Variants in ADAMTSL1 observed in about 807,000 individuals in gnomAD.
The protein encoded by ADAMTSL1 is ADAMTS like 1, also known as ADAMTS-like protein 1.
ADAMTSL1 carries 126 observed loss-of-function variants against 201.8 expected under a neutral mutation model. That is an observed-to-expected ratio of 0.62 (90% CI 0.54 to 0.72). The LOEUF (loss-of-function observed/expected upper bound fraction) is 0.72. ADAMTSL1 is among the 30% of genes least tolerant of loss of function. ADAMTSL1 has a pLI of 0.00. For missense variants in ADAMTSL1, 2,679 were observed against 2,277.8 expected, an observed-to-expected ratio of 1.18 and a Z score of -3.59; for synonymous variants, 1,121 against 903.4, an observed-to-expected ratio of 1.24 and a Z score of -4.32.
At chr9:18,645,015 G>T (rs562646541) in intron 7 of ADAMTSL1, among the ~76,000 whole-genome samples, 1 of 152,186 alleles carries the variant, frequency 6.6e-6, no homozygotes, top group South Asian at 2.1e-4. Flanking sequence ...CAGTGTAAAA[G>T]TGTTTCTATT....
At chr9:18,185,124 T>C (rs529750179) in intron 2 of ADAMTSL1, among the ~76,000 whole-genome samples, 1 of 152,252 alleles carries the variant, frequency 6.6e-6, no homozygotes, top group African/African-American at 2.4e-5. Flanking sequence ...CCTCCTGGTC[T>C]TTATAGCCTG....
chr9:18,714,798 G>A (rs368589867), intron 14 of ADAMTSL1, among the ~76,000 whole-genome samples: 5 of 150,878 alleles, frequency 3.3e-5, no homozygotes, highest in African/African-American at 1.2e-4. Context: ...ACAACCAAAA[G>A]AGAGAATTTT....
chr9:18,594,329 G>T (rs1824117202), intron 4 of ADAMTSL1, among the ~76,000 whole-genome samples: 1 of 151,912 alleles, frequency 6.6e-6, no homozygotes, highest in South Asian at 2.1e-4. Flanking sequence ...TATCTGATTG[G>T]TGACTTTTGA....
intron 1 of ADAMTSL1, among the ~76,000 whole-genome samples, chr9:18,036,869 A>G (rs1478944073): frequency 1.3e-5 from 2 of 152,108 alleles, no homozygotes; most frequent in African/African-American, 4.8e-5. Context: ...TTCCTTATGG[A>G]CACAGTAGTG....
At chr9:18,438,633 A>G (rs1018638662) in intron 2 of ADAMTSL1, among the ~76,000 whole-genome samples, 3 of 152,060 alleles carry the variant, frequency 2.0e-5, no homozygotes, top group African/African-American at 7.2e-5. Context: ...ATGTTACCCT[A>G]GAGGGGGCTG....
chr9:18,899,896 G>T (rs1332106073), intron 26 of ADAMTSL1, among the ~76,000 whole-genome samples: 1 of 152,238 alleles, frequency 6.6e-6, no homozygotes, highest in East Asian at 1.9e-4. Context: ...ATTTCATGAT[G>T]TAGATGCCAA....
In ADAMTSL1 at chr9:18,706,909, T is replaced by C. The variant is rs1235037554; in HGVS notation, c.1737T>C (p.Tyr579=). The stretch of plus-strand genomic sequence containing the variant: ...AGCCAGCATCCCAGCGTGCCTGTTA[T>C]GCAGGCCCATGCAGCGGGGAAATTC... ...GPKPASQRAC[Y]AGPCSGEIPE... is the part of the protein sequence containing the mutation. Residue 579 remains tyrosine, a synonymous_variant, in exon 14 of 29, where the codon TAT becomes TAC. Coordinates refer to ENST00000380548, the MANE Select transcript of ADAMTSL1 (RefSeq NM_001040272.6). 9 of 1,614,012 alleles carry C rather than the reference T, an allele frequency of 5.6e-6. No individual in the cohort carries two copies. The highest frequency in any genetic ancestry group is 4.5e-5 in the East Asian group (2 of 44,872).
rs555786282 is a variant in ADAMTSL1 at position 18,200,271 on chromosome 9, TA to T, written c.207+36302del. Among the ~76,000 whole-genome samples, 153 of 147,444 alleles carry T rather than the reference TA, an allele frequency of 1.0e-3. 1 individual carries two copies. Among genetic ancestry groups the T allele is most frequent in the South Asian group, 6.2e-3 (29 of 4,648 alleles). ...CAAAATAGCGAGACACTATCTCTAT[TA>T]AAAAAAAAAAATTTGTACACAAGTC... On this transcript the variant is annotated intron_variant, in intron 2 of 29. Transcript: ENST00000680146.
chr9:18,244,793 T>C (rs1311696117), intron 2 of ADAMTSL1, among the ~76,000 whole-genome samples: 1 of 152,170 alleles, frequency 6.6e-6, no homozygotes, highest in Non-Finnish European at 1.5e-5. Flanking sequence ...AGTCATGCTC[T>C]CCCTCTCTCC....
At chr9:17,962,215 C>A (rs1369770542) in intron 1 of ADAMTSL1, among the ~76,000 whole-genome samples, 1 of 152,134 alleles carries the variant, frequency 6.6e-6, no homozygotes, top group Non-Finnish European at 1.5e-5. Context: ...TTAGTTTAAA[C>A]CTACCTGAAG....
At chr9:17,940,196 G>C (rs375153276) in intron 1 of ADAMTSL1, among the ~76,000 whole-genome samples, 1 of 152,114 alleles carries the variant, frequency 6.6e-6, no homozygotes, top group Non-Finnish European at 1.5e-5. Context: ...ATGTGTGTTT[G>C]TGTTTTAGCA....
intron 4 of ADAMTSL1, among the ~76,000 whole-genome samples, chr9:18,582,094 C>G (rs191101786): frequency 6.6e-4 from 100 of 152,338 alleles, no homozygotes; most frequent in Non-Finnish European, 7.8e-4. Flanking sequence ...AACTGCATCT[C>G]TATTCCTGGC....
At chr9:18,854,615 G>A (rs528642507) in intron 23 of ADAMTSL1, among the ~76,000 whole-genome samples, 5 of 152,240 alleles carry the variant, frequency 3.3e-5, no homozygotes, top group African/African-American at 4.8e-5. Context: ...TAGAGATGTC[G>A]GTAGCAGAGG....
At chr9:18,271,644 A>T (rs1044557749) in intron 2 of ADAMTSL1, among the ~76,000 whole-genome samples, 3 of 152,172 alleles carry the variant, frequency 2.0e-5, no homozygotes, top group Non-Finnish European at 4.4e-5. Context: ...ATACATGTGC[A>T]TGTGTGTTTA....
At chr9:18,304,443 T>A (rs1227688462) in intron 2 of ADAMTSL1, among the ~76,000 whole-genome samples, 1 of 152,164 alleles carries the variant, frequency 6.6e-6, no homozygotes, top group East Asian at 1.9e-4. Context: ...TCATGTGATA[T>A]TAAAATAGCA....
In ADAMTSL1 at chr9:18,909,697, C is replaced by T. The variant is rs1395321866; in HGVS notation, c.*1149C>T. ...GTCAGGTTGTAGCAACCTCTTCATT[C>T]CAGAGCTGGCCCAGGGACCGGGGTG... On this transcript the variant is annotated 3_prime_UTR_variant, in exon 29 of 29. Transcript: ENST00000380548. 6.6e-6 allele frequency: 1 copy of T among 152,064 alleles called. No individual in the cohort carries two copies. Among genetic ancestry groups the T allele is most frequent in the African/African-American group, 2.4e-5 (1 of 41,352 alleles). The allele number at this position is 152,064 out of a possible 1,614,324, so 9.4% of individuals were successfully genotyped here.
intron 1 of ADAMTSL1, among the ~76,000 whole-genome samples, chr9:18,032,854 A>T (rs1236035259): frequency 1.3e-5 from 2 of 151,530 alleles, no homozygotes; most frequent in South Asian, 2.1e-4. Context: ...GGACCTGTTC[A>T]GGACCAGCAA....
At chr9:18,291,737 TCTCTCTCTCTCA>T (rs1393599316) in intron 2 of ADAMTSL1, among the ~76,000 whole-genome samples, 9 of 133,662 alleles carry the variant, frequency 6.7e-5, no homozygotes, top group African/African-American at 9.0e-5. Context: ...TCTCTCTCTC[TCTCTCTCTCTCA>T]CACACACACA....
intron 15 of ADAMTSL1, among the ~76,000 whole-genome samples, chr9:18,736,094 G>A (rs939178149): frequency 6.6e-6 from 1 of 152,088 alleles, no homozygotes; most frequent in Non-Finnish European, 1.5e-5. Context: ...GACATTTATT[G>A]ATGTAAAGCC....
Sources: gnomAD v4.1 joint callset for allele counts (sites outside exome capture counted in the v4.1 genomes callset) on GRCh38, gnomAD v4.1.1 for gene constraint, MANE v1.5 for transcripts, NCBI Gene and HGNC (gene_info 2026-07-23, HGNC 2026-07-21) for gene names.